The following PLXDC1 variants were observed in gnomAD, a reference collection of about 807,000 sequenced individuals.
PLXDC1 encodes plexin domain-containing protein 1.
A neutral mutation model predicts 61.3 loss-of-function variants in PLXDC1; 39 were observed. The ratio of observed to expected loss-of-function variants is 0.64; its 90% confidence interval spans 0.49 to 0.83. The LOEUF (loss-of-function observed/expected upper bound fraction) is 0.83. Among genes scored for constraint, PLXDC1 ranks in the 40% least tolerant of loss-of-function variants. The probability of loss-of-function intolerance (pLI) is 0.00; values close to 1 mark genes in which losing one functional copy is unlikely to be tolerated. For missense variants in PLXDC1, 596 were observed against 666.5 expected, an observed-to-expected ratio of 0.89 and a Z score of 1.17; for synonymous variants, 212 against 254.5, an observed-to-expected ratio of 0.83 and a Z score of 1.59.
intron 2 of PLXDC1, among the ~76,000 whole-genome samples, chr17:39,129,495 T>C (rs1217966240): frequency 1.3e-5 from 2 of 151,414 alleles, no homozygotes; most frequent in Non-Finnish European, 2.9e-5. Context: ...CACGCGCCTG[T>C]AGTCCCAGCT....
chr17:39,123,445 C>T (rs2143800446), intron 2 of PLXDC1, among the ~76,000 whole-genome samples: 1 of 152,334 alleles, frequency 6.6e-6, no homozygotes, highest in African/African-American at 2.4e-5. Context: ...CCGCCTCGGC[C>T]TCCCAAAGTG....
chr17:39,089,179 G>A (rs1291849305), intron 7 of PLXDC1, among the ~76,000 whole-genome samples: 1 of 152,160 alleles, frequency 6.6e-6, no homozygotes, highest in Non-Finnish European at 1.5e-5. Flanking sequence ...TCCCCTTGGG[G>A]TACTGTGCCT....
At chr17:39,138,324 G>A (rs1233346867) in intron 2 of PLXDC1, among the ~76,000 whole-genome samples, 3 of 152,154 alleles carry the variant, frequency 2.0e-5, no homozygotes, top group Non-Finnish European at 4.4e-5. Flanking sequence ...GGGCAGGAGA[G>A]GGGGCCAGGA....
Position 39,067,924 on chromosome 17 carries a change from G to A in PLXDC1, c.1419C>T (p.Arg473=). The change falls in exon 14 of 14, where the codon CGC becomes CGT. Residue 473 remains arginine, a synonymous_variant. Transcript: ENST00000315392. ...CATAGGTGGAATGGTCAGGGTGGCTGCGAAACTTCATGGCTGGCCAGTGGT... is the reference window on the plus strand; with the variant it reads ...CATAGGTGGAATGGTCAGGGTGGCTACGAAACTTCATGGCTGGCCAGTGGT... ...RPHHWPAMKF[R]SHPDHSTYAE... is the part of the protein sequence containing the mutation. The A allele has an allele frequency of 1.2e-6, 2 of 1,613,998 alleles. No homozygotes were observed. Among genetic ancestry groups the A allele is most frequent in the South Asian group, 2.2e-5 (2 of 91,080 alleles).
chr17:39,117,294 G>A (rs1255607146), intron 2 of PLXDC1, among the ~76,000 whole-genome samples: 1 of 152,168 alleles, frequency 6.6e-6, no homozygotes, highest in Non-Finnish European at 1.5e-5. Context: ...TCTGGACTAG[G>A]AAGCCCTAGA....
At chr17:39,114,280 C>G (rs1271030759) in intron 2 of PLXDC1, among the ~76,000 whole-genome samples, 1 of 152,220 alleles carries the variant, frequency 6.6e-6, no homozygotes, top group Non-Finnish European at 1.5e-5. Context: ...CTCCCCTGCT[C>G]TCTTGTTCTG....
intron 2 of PLXDC1, among the ~76,000 whole-genome samples, chr17:39,132,877 C>G (rs1305157190): frequency 6.6e-6 from 1 of 152,120 alleles, no homozygotes; most frequent in Non-Finnish European, 1.5e-5. Context: ...TGATATGGCC[C>G]CAGAGCAGAG....
chr17:39,085,803 T>A (rs12939951), intron 8 of PLXDC1, among the ~76,000 whole-genome samples: 4 of 151,876 alleles, frequency 2.6e-5, no homozygotes, highest in African/African-American at 4.8e-5. Context: ...CCCTATCTGG[T>A]TTCCCAGGGG....
In PLXDC1 at chr17:39,078,058, A is replaced by AGAT; in HGVS notation, c.1051-11_1051-10insATC. 1 of 1,596,684 alleles carries AGAT rather than the reference A, an allele frequency of 6.3e-7. No homozygotes were observed. The highest frequency in any genetic ancestry group is 8.5e-7 in the Non-Finnish European group (1 of 1,171,456). ...ACATCCTGCCCTCTGCCTGCAGGAG[A>AGAT]GAGCCAGTGCTGTGTCTTGAATGCA... On this transcript the variant is annotated splice_polypyrimidine_tract_variant and intron_variant, in intron 10 of 13. Coordinates refer to ENST00000315392, the MANE Select transcript of PLXDC1 (RefSeq NM_020405.5).
In PLXDC1 at chr17:39,102,730, ACACACACACACTCACT is replaced by A. The variant is rs1910465367; in HGVS notation, c.811+3108_811+3123del. Among the ~76,000 whole-genome samples, 2 of 127,008 alleles carry A rather than the reference ACACACACACACTCACT, an allele frequency of 1.6e-5. 1 individual carries two copies. The highest frequency in any genetic ancestry group is 5.2e-4 in the South Asian group (2 of 3,872). The allele number at this position is 127,008 out of a possible 152,430, so 83.3% of individuals were successfully genotyped here. A position where few individuals can be genotyped will look rare whatever the true frequency, so the allele number is the denominator to read the frequency against. On this transcript the variant is annotated intron_variant, in intron 7 of 13. Coordinates refer to ENST00000315392, the MANE Select transcript of PLXDC1 (RefSeq NM_020405.5). ...TACACACACACACACACACACACACACACACACACACTCACTCACCTGAAGGCTTGCAGCTCTGGAG... is the reference window on the plus strand; with the variant it reads ...TACACACACACACACACACACACACACACCTGAAGGCTTGCAGCTCTGGAG...
intron 7 of PLXDC1, among the ~76,000 whole-genome samples, chr17:39,095,432 C>G (rs1910150948): frequency 7.6e-6 from 1 of 132,284 alleles, no homozygotes; most frequent in Middle Eastern, 4.4e-3. Flanking sequence ...ACATCTGGAG[C>G]TTGCCCAAGA....
intron 6 of PLXDC1, 60 bp downstream of exon 6, chr17:39,107,347 T>TTA (rs1430737260): frequency 1.9e-5 from 19 of 1,002,806 alleles, no homozygotes; most frequent in African/African-American, 3.2e-5. Context: ...ATTCTCTAAA[T>TTA]ATTTGCTGAA....
intron 7 of PLXDC1, 98 bp downstream of exon 7, chr17:39,105,756 G>C (rs1910567850): frequency 2.1e-5 from 15 of 714,808 alleles, no homozygotes; most frequent in Non-Finnish European, 3.2e-5. Context: ...TCTGCCCCTT[G>C]TCTACTCCCT....
intron 1 of PLXDC1, among the ~76,000 whole-genome samples, chr17:39,146,686 T>C (rs981487083): frequency 8.0e-5 from 12 of 150,736 alleles, no homozygotes; most frequent in African/African-American, 2.9e-4. Context: ...TAATTTATTA[T>C]TAATAATAAA....
At position 39,128,093 on chromosome 17, in the gene PLXDC1, A is replaced by ATGTGTGTG. The variant is rs199563342; in HGVS notation, c.255+11560_255+11561insCACACACA. Reference sequence around the variant, plus strand: ...TCTCTCTCTCTCTCTCTCTCTCTCTATGTGTATATATATATATATATGTAT... The same window carrying ATGTGTGTG: ...TCTCTCTCTCTCTCTCTCTCTCTCTATGTGTGTGTGTGTATATATATATATATATGTAT... On this transcript the variant is annotated intron_variant, in intron 2 of 13. Transcript: ENST00000315392. Among the ~76,000 whole-genome samples the ATGTGTGTG allele has an allele frequency of 3.4e-4, 20 of 58,104 alleles. 1 individual carries two copies. The highest frequency in any genetic ancestry group is 1.2e-3 in the Admixed American group (7 of 5,628). 38.1% of individuals were successfully genotyped at this position (58,104 alleles called of 152,430 possible). A position where few individuals can be genotyped will look rare whatever the true frequency, so the allele number is the denominator to read the frequency against.
At chr17:39,080,025 C>T (rs1383168123) in intron 9 of PLXDC1, 1 of 166,952 alleles carries the variant, frequency 6.0e-6, no homozygotes, top group Non-Finnish European at 1.3e-5. Context: ...GATGGCTGAA[C>T]TGAGCCAGCC....
chr17:39,085,749 A>T (rs1909718072), intron 8 of PLXDC1, among the ~76,000 whole-genome samples: 2 of 152,128 alleles, frequency 1.3e-5, no homozygotes, highest in South Asian at 4.1e-4. Context: ...TCCTTCCCAC[A>T]CCCAAATGGT....
intron 7 of PLXDC1, among the ~76,000 whole-genome samples, chr17:39,105,177 G>A (rs911332601): frequency 6.6e-6 from 1 of 152,204 alleles, no homozygotes; most frequent in Admixed American, 6.5e-5. Flanking sequence ...AGCAGAAGAG[G>A]TCAGGTTAAA....
At chr17:39,083,307 G>A (rs1246557200) in intron 9 of PLXDC1, 152 bp downstream of exon 9, 16 of 681,820 alleles carry the variant, frequency 2.3e-5, no homozygotes, top group Non-Finnish European at 4.3e-5. Context: ...AAGCCCCCAG[G>A]CCATGTTCTT....
Sources: allele counts gnomAD v4.1 joint callset (sites outside exome capture counted in the v4.1 genomes callset), GRCh38; gene constraint gnomAD v4.1.1; transcripts MANE v1.5; gene names NCBI Gene and HGNC (gene_info 2026-07-23, HGNC 2026-07-21).